Variants in HACD4 observed in about 807,000 individuals in gnomAD.
The protein encoded by HACD4 is 3-hydroxyacyl-CoA dehydratase 4.
A neutral mutation model predicts 33.3 loss-of-function variants in HACD4; 35 were observed. The ratio of observed to expected loss-of-function variants is 1.05; its 90% CI spans 0.80 to 1.39. The LOEUF (loss-of-function observed/expected upper bound fraction) is 1.39. HACD4 is among the 40% of genes most tolerant of loss of function. The probability of loss-of-function intolerance (pLI) is 0.00; values close to 1 mark genes in which losing one functional copy is unlikely to be tolerated. For synonymous variants in HACD4, 118 were observed against 98.0 expected (o/e 1.20, Z -1.21); for missense variants, 323 against 276.5 (o/e 1.17, Z -1.19).
At chr9:21,017,918 GGA>G (rs1817804246) in intron 3 of HACD4, 2 of 152,104 alleles carry the variant, frequency 1.3e-5, no homozygotes, top group Admixed American at 1.3e-4. Flanking sequence ...CTCCTAAAAG[GGA>G]GAGACTGGAG....
In HACD4 at chr9:21,006,969, C is replaced by G. The variant is rs1052044968; in HGVS notation, c.*68G>C. 26 of 892,256 alleles carry G rather than the reference C, an allele frequency of 2.9e-5. No individual in the cohort carries two copies. The African/African-American group carries it at 3.3e-4, about 11-fold the overall frequency. The allele number at this position is 892,256 out of a possible 1,614,324, so 55.3% of individuals were successfully genotyped here. ...AAGGTATTTTTCCACCAGAATACTT[C>G]CTGTGTTTTATTTACTGCACTGAAT... On this transcript the variant is annotated 3_prime_UTR_variant, in exon 7 of 7. Coordinates refer to ENST00000495827, the MANE Select transcript of HACD4 (RefSeq NM_001010915.5). This position sits in a 1 kb window ranked among gnomAD's most constrained non-coding sequence, Gnocchi z 4.6.
intron 3 of HACD4, among the ~76,000 whole-genome samples, chr9:21,017,058 T>C (rs1039912224): frequency 1.3e-5 from 2 of 152,202 alleles, no homozygotes; most frequent in African/African-American, 4.8e-5. Flanking sequence ...TTGCTCTTAA[T>C]GGTCAAAGGA....
chr9:21,022,719 C>T (rs1817953228), intron 3 of HACD4, among the ~76,000 whole-genome samples: 1 of 150,538 alleles, frequency 6.6e-6, no homozygotes, highest in African/African-American at 2.4e-5. Context: ...CAGGAAACAA[C>T]AGGTGCTGGA....
Position 21,005,698 on chromosome 9 carries a change from G to A in HACD4, c.*1339C>T, listed in dbSNP as rs993754071. 6.6e-6 allele frequency: 1 copy of A among 152,236 alleles called. No homozygotes were observed. Among genetic ancestry groups the A allele is most frequent in the African/African-American group, 2.4e-5 (1 of 41,424 alleles). The allele number at this position is 152,236 out of a possible 1,614,324, so 9.4% of individuals were successfully genotyped here. ...TGACAGCTTCCGCCTGGTGATATGG[G>A]GGTCATCCTCCTCCAACATAGTCCT... On this transcript the variant is annotated 3_prime_UTR_variant, in exon 7 of 7. Transcript: ENST00000495827. The surrounding 1 kb of genome is among the most constrained non-coding windows in gnomAD (Gnocchi z 4.0).
intron 5 of HACD4, among the ~76,000 whole-genome samples, chr9:21,008,455 G>GTGA (rs112669632): frequency 3.2e-4 from 48 of 152,234 alleles, no homozygotes; most frequent in African/African-American, 1.1e-3. Flanking sequence ...ACAAATAGGG[G>GTGA]TGATAGAGAG....
At position 21,015,948 on chromosome 9, in the gene HACD4, T is replaced by C. The variant is rs61736078; in HGVS notation, c.333A>G (p.Lys111=). 266 of 1,613,372 alleles carry C rather than the reference T, an allele frequency of 1.6e-4. No individual in the cohort carries two copies. In the African/African-American group the frequency reaches 3.3e-3, roughly 20 times the overall value. The change falls in exon 4 of 7, where the codon AAA becomes AAG. Residue 111 remains lysine (K), a synonymous_variant. Transcript: ENST00000495827. ...AGACGAATAAAACACACACCACATATTTCTCTTGGACTTCCTCTTGACTGG... is the reference window on the plus strand; with the variant it reads ...AGACGAATAAAACACACACCACATACTTCTCTTGGACTTCCTCTTGACTGG... ...VITSQEEVQE[K]YVVCVLFVFW...
chr9:21,010,456 A>ATCCCCCCCCC lies in HACD4; in HGVS notation c.490+1132_490+1133insGGGGGGGGGA, dbSNP rs1353043927. 9.5e-5 allele frequency among the ~76,000 whole-genome samples: 10 copies of ATCCCCCCCCC among 104,990 alleles called. 1 individual carries two copies. Among genetic ancestry groups the ATCCCCCCCCC allele is most frequent in the Non-Finnish European group, 1.5e-4 (8 of 51,988 alleles). 68.9% of individuals were successfully genotyped at this position (104,990 alleles called of 152,430 possible). ...AAGAAACAGACTCAGACATCCTGGT[A>ATCCCCCCCCC]CCCCCCCCCCCCCCAGAGCTTACAG... On this transcript the variant is annotated intron_variant, in intron 5 of 6. Coordinates refer to ENST00000495827, the MANE Select transcript of HACD4 (RefSeq NM_001010915.5).
rs1842172345 is a variant in HACD4, at chr9:21,001,930, G to A, written c.*5107C>T. On this transcript the variant is annotated 3_prime_UTR_variant, in exon 7 of 7. Coordinates refer to ENST00000495827, the MANE Select transcript of HACD4 (RefSeq NM_001010915.5). Reference sequence around the variant, plus strand: ...AAACAGCAACTCAAAGCCACATGAAGAAATAAGGATCTCAGTAAAGAAAAA... The same window carrying A: ...AAACAGCAACTCAAAGCCACATGAAAAAATAAGGATCTCAGTAAAGAAAAA... 6.6e-6 allele frequency: 1 copy of A among 152,040 alleles called. No homozygotes were observed. 9.4% of individuals were successfully genotyped at this position (152,040 alleles called of 1,614,324 possible). A position where few individuals can be genotyped will look rare whatever the true frequency, so the allele number is the denominator to read the frequency against.
Position 21,002,727 on chromosome 9 carries a change from TAAAA to T in HACD4, c.*4306_*4309del, listed in dbSNP as rs995637537. 6.6e-6 allele frequency: 1 copy of T among 152,076 alleles called. No homozygotes were observed. The highest frequency in any genetic ancestry group is 2.4e-5 in the African/African-American group (1 of 41,416). 9.4% of individuals were successfully genotyped at this position (152,076 alleles called of 1,614,324 possible). ...TAGTATATTTTACATTTTACCACAATAAAAAAATTACTGAAAAAAGTTGTCTTAG... is the reference window on the plus strand; with the variant it reads ...TAGTATATTTTACATTTTACCACAATAAATTACTGAAAAAAGTTGTCTTAG... On this transcript the variant is annotated 3_prime_UTR_variant, in exon 7 of 7. Coordinates refer to ENST00000495827, the MANE Select transcript of HACD4 (RefSeq NM_001010915.5).
In HACD4 at chr9:21,000,067, A is replaced by T. The variant is rs1203047190; in HGVS notation, c.*6970T>A. 1 of 152,188 alleles carries T rather than the reference A, an allele frequency of 6.6e-6. No homozygotes were observed. Among genetic ancestry groups the T allele is most frequent in the Non-Finnish European group, 1.5e-5 (1 of 68,006 alleles). 9.4% of individuals were successfully genotyped at this position (152,188 alleles called of 1,614,324 possible). ...TCAAACCTAGTGCTCTTAATTCCAG[A>T]CCACATTATCTTTCACAAGAACCCC... On this transcript the variant is annotated 3_prime_UTR_variant, in exon 7 of 7. Transcript: ENST00000495827.
intron 4 of HACD4, among the ~76,000 whole-genome samples, chr9:21,012,994 G>T (rs2132775300): frequency 6.6e-6 from 1 of 151,432 alleles, no homozygotes; most frequent in East Asian, 1.9e-4. Context: ...TTGAATCCAG[G>T]AGGCGGAGGT....
rs1486162684 is a variant in HACD4 at position 21,008,086 on chromosome 9, A to T, written c.551T>A (p.Leu184Gln). The change falls in exon 6 of 7, where the codon CTG becomes CAG. Residue 184 changes from leucine to glutamine, a missense_variant. Coordinates refer to ENST00000495827, the MANE Select transcript of HACD4 (RefSeq NM_001010915.5). ...GAAATAGATGGATAAGTCAAAGGGC[A>T]GCTTGGTGGAATAAGTGCCAAATGA... ...FESFGTYSTKLPFDLSIYFPY... is the reference protein window; with the variant it reads ...FESFGTYSTKQPFDLSIYFPY... 1 of 1,611,492 alleles carries T rather than the reference A, an allele frequency of 6.2e-7. No individual in the cohort carries two copies. The highest frequency in any genetic ancestry group is 2.2e-5 in the East Asian group (1 of 44,786).
At position 21,008,957 on chromosome 9, in the gene HACD4, A is replaced by G. The variant is rs557712483; in HGVS notation, c.491-811T>C. 7.2e-5 allele frequency among the ~76,000 whole-genome samples: 11 copies of G among 152,292 alleles called. No individual in the cohort carries two copies. The East Asian group carries it at 2.1e-3, about 29-fold the overall frequency. ...GAAAAGGCAAGAGTTCACAACTGTT[A>G]GAGCCAAGCAGAGGTATGAGTAGCA... On this transcript the variant is annotated intron_variant, in intron 5 of 6. Coordinates refer to ENST00000495827, the MANE Select transcript of HACD4 (RefSeq NM_001010915.5).
rs1587819123 is a variant in HACD4, at chr9:21,001,319, C to T, written c.*5718G>A. The T allele has an allele frequency of 6.6e-6, 1 of 151,846 alleles. No individual in the cohort carries two copies. Among genetic ancestry groups the T allele is most frequent in the African/African-American group, 2.4e-5 (1 of 41,348 alleles). 9.4% of individuals were successfully genotyped at this position (151,846 alleles called of 1,614,324 possible). ...AAATGAAAAACTCACTAGAGGTATT[C>T]AAAGGCAGATTTGGGCAGCAGAAGA... On this transcript the variant is annotated 3_prime_UTR_variant, in exon 7 of 7. Coordinates refer to ENST00000495827, the MANE Select transcript of HACD4 (RefSeq NM_001010915.5).
intron 4 of HACD4, among the ~76,000 whole-genome samples, chr9:21,013,610 C>G (rs893800670): frequency 9.2e-5 from 14 of 152,138 alleles, no homozygotes; most frequent in Non-Finnish European, 1.5e-5. Flanking sequence ...GCCATCTGAA[C>G]AATATTAAGT....
intron 1 of HACD4, among the ~76,000 whole-genome samples, chr9:21,029,838 G>T (rs1408441062): frequency 6.6e-6 from 1 of 152,122 alleles, no homozygotes; most frequent in African/African-American, 2.4e-5. Flanking sequence ...TGATCATGCG[G>T]CCGACTGGGA....
At position 21,001,658 on chromosome 9, in the gene HACD4, A is replaced by G. The variant is rs1472489356; in HGVS notation, c.*5379T>C. 1.3e-5 allele frequency: 2 copies of G among 152,168 alleles called. No homozygotes were observed. Among genetic ancestry groups the G allele is most frequent in the African/African-American group, 4.8e-5 (2 of 41,452 alleles). The allele number at this position is 152,168 out of a possible 1,614,324, so 9.4% of individuals were successfully genotyped here. A position where few individuals can be genotyped will look rare whatever the true frequency, so the allele number is the denominator to read the frequency against. On this transcript the variant is annotated 3_prime_UTR_variant, in exon 7 of 7. Transcript: ENST00000495827. ...ATTCATCACATATAAGTGATCCTTA[A>G]TAAGATTATCAGATTTCTCATCAGA... is the stretch of plus-strand genomic sequence containing the variant.
chr9:21,011,724 T>A (rs776909156), intron 4 of HACD4, 29 bp from the exon 5 acceptor site: 10 of 1,216,036 alleles, frequency 8.2e-6, no homozygotes, highest in Non-Finnish European at 1.2e-5. Flanking sequence ...CTCATAAACA[T>A]CATTTTCTGC....
chr9:21,029,232 A>C, intron 2 of HACD4, 63 bp downstream of exon 2: 1 of 916,508 alleles, frequency 1.1e-6, no homozygotes, highest in Non-Finnish European at 1.7e-6. Flanking sequence ...ATTTAATATA[A>C]GCAGGATGAG....
Sources: gnomAD v4.1 joint callset for allele counts (sites outside exome capture counted in the v4.1 genomes callset) on GRCh38, gnomAD v4.1.1 for gene constraint, Gnocchi (gnomAD v3.1) non-coding constraint, MANE v1.5 for transcripts, NCBI Gene and HGNC (gene_info 2026-07-23, HGNC 2026-07-21) for gene names.